NCAM2: variants seen among roughly 807,000 people sequenced by gnomAD.
NCAM2 encodes N-CAM-2.
A neutral mutation model predicts 98.1 loss-of-function variants in NCAM2; 30 were observed. That is an observed-to-expected ratio of 0.31 (90% CI 0.23 to 0.41). The LOEUF (loss-of-function observed/expected upper bound fraction) is 0.41, where lower values mean the gene tolerates loss of function less well. Among genes scored for constraint, NCAM2 ranks in the 10% least tolerant of loss-of-function variants. NCAM2 has a pLI of 1.00. For missense variants in NCAM2, 867 were observed against 1,005.8 expected (o/e 0.86, Z 1.87); for synonymous variants, 368 against 342.4 (o/e 1.07, Z -0.83).
intron 1 of NCAM2, among the ~76,000 whole-genome samples, chr21:21,186,213 G>A (rs905715685): frequency 6.6e-6 from 1 of 152,100 alleles, no homozygotes; most frequent in Non-Finnish European, 1.5e-5. Context: ...AAGGTCACAA[G>A]GGTAATAGTT....
chr21:21,191,610 G>A (rs531048406), intron 1 of NCAM2, among the ~76,000 whole-genome samples: 8 of 152,188 alleles, frequency 5.3e-5, no homozygotes, highest in Non-Finnish European at 1.2e-4. Flanking sequence ...GGTAGGATTT[G>A]TGAAGCTCTG....
chr21:21,503,997 T>C (rs1268060614), intron 15 of NCAM2, among the ~76,000 whole-genome samples: 3 of 151,984 alleles, frequency 2.0e-5, no homozygotes, highest in Non-Finnish European at 4.4e-5. Flanking sequence ...TTCATTTAAA[T>C]AGTTGTTAAA....
At chr21:21,523,016 T>C (rs1989117806) in intron 16 of NCAM2, among the ~76,000 whole-genome samples, 1 of 152,024 alleles carries the variant, frequency 6.6e-6, no homozygotes, top group South Asian at 2.1e-4. Flanking sequence ...TTGTTTATGT[T>C]TTGTTGTTGT....
intron 12 of NCAM2, among the ~76,000 whole-genome samples, chr21:21,451,385 G>T (rs2826846): frequency 0.2 from 30,801 of 152,024 alleles, 3,271 homozygotes; most frequent in African/African-American, 0.26. Flanking sequence ...GCTTTTCTGG[G>T]AAGTAATGTT....
intron 8 of NCAM2, among the ~76,000 whole-genome samples, chr21:21,358,307 C>T (rs904506184): frequency 1.3e-5 from 2 of 152,050 alleles, no homozygotes; most frequent in Non-Finnish European, 2.9e-5. Context: ...GACTGAGCCT[C>T]ACTCCCTAAG....
intron 7 of NCAM2, among the ~76,000 whole-genome samples, 182 bp from the exon 8 acceptor site, chr21:21,338,206 AT>A (rs909166688): frequency 6.6e-6 from 1 of 151,956 alleles, no homozygotes; most frequent in Non-Finnish European, 1.5e-5. Flanking sequence ...TATTTCCTAA[AT>A]TTTTTTTCCT....
At chr21:21,093,723 C>T (rs2066060809) in intron 1 of NCAM2, among the ~76,000 whole-genome samples, 1 of 151,982 alleles carries the variant, frequency 6.6e-6, no homozygotes, top group African/African-American at 2.4e-5. Flanking sequence ...CTTAATGTAA[C>T]AGTAATTCCC....
chr21:21,054,579 C>T (rs540260984), intron 1 of NCAM2, among the ~76,000 whole-genome samples: 2 of 152,078 alleles, frequency 1.3e-5, no homozygotes, highest in Admixed American at 6.5e-5. Context: ...AACACACAGG[C>T]ATATGAAATC....
At chr21:21,510,144 T>TA (rs1405084784) in intron 16 of NCAM2, among the ~76,000 whole-genome samples, 1 of 152,178 alleles carries the variant, frequency 6.6e-6, no homozygotes, top group Non-Finnish European at 1.5e-5. Context: ...AACCCCTACA[T>TA]AATTCAACTT....
At chr21:21,110,777 G>A (rs1261904316) in intron 1 of NCAM2, among the ~76,000 whole-genome samples, 1 of 151,948 alleles carries the variant, frequency 6.6e-6, no homozygotes, top group African/African-American at 2.4e-5. Context: ...ATATGTGACT[G>A]AATTGGTTCT....
At chr21:21,341,234 G>T (rs1230314892) in intron 8 of NCAM2, among the ~76,000 whole-genome samples, 1 of 152,034 alleles carries the variant, frequency 6.6e-6, no homozygotes, top group South Asian at 2.1e-4. Context: ...ATGGAAAGTA[G>T]CATGGGATTG....
chr21:21,296,653 G>A (rs1450297270), intron 5 of NCAM2, among the ~76,000 whole-genome samples: 1 of 151,674 alleles, frequency 6.6e-6, no homozygotes, highest in African/African-American at 2.4e-5. Context: ...TTGACACAAG[G>A]ATATTGGCAG....
chr21:21,147,617 C>T (rs1368076031), intron 1 of NCAM2, among the ~76,000 whole-genome samples: 1 of 150,090 alleles, frequency 6.7e-6, no homozygotes, highest in Non-Finnish European at 1.5e-5. Flanking sequence ...TGTATATATA[C>T]ATACACTAAT....
intron 12 of NCAM2, among the ~76,000 whole-genome samples, chr21:21,437,474 CTGTG>C (rs3990174): frequency 9.7e-5 from 14 of 144,526 alleles, no homozygotes; most frequent in Middle Eastern, 3.5e-3. Context: ...CACCAAGATT[CTGTG>C]TGTGTGTGTG....
intron 6 of NCAM2, among the ~76,000 whole-genome samples, chr21:21,329,174 A>C (rs960352592): frequency 2.0e-5 from 3 of 151,982 alleles, no homozygotes; most frequent in Non-Finnish European, 2.9e-5. Context: ...GGCTGGTCTC[A>C]CACTCCATGT....
chr21:21,118,922 T>C (rs2066617112), intron 1 of NCAM2, among the ~76,000 whole-genome samples: 2 of 152,178 alleles, frequency 1.3e-5, no homozygotes, highest in African/African-American at 2.4e-5. Context: ...ATGTTAAGGT[T>C]CTTAATTTTA....
intron 8 of NCAM2, among the ~76,000 whole-genome samples, chr21:21,344,616 G>T (rs536492515): frequency 6.8e-4 from 103 of 152,230 alleles, no homozygotes; most frequent in Middle Eastern, 3.4e-3. Context: ...CAGTACCATA[G>T]AACACCAGGT....
At chr21:21,234,530 G>C (rs1464898825) in intron 1 of NCAM2, among the ~76,000 whole-genome samples, 2 of 151,830 alleles carry the variant, frequency 1.3e-5, no homozygotes, top group African/African-American at 4.8e-5. Flanking sequence ...TTGAAGTATC[G>C]ATTTATTTCC....
intron 16 of NCAM2, among the ~76,000 whole-genome samples, chr21:21,527,791 C>T (rs1989408459): frequency 6.6e-6 from 1 of 152,146 alleles, no homozygotes; most frequent in Non-Finnish European, 1.5e-5. Flanking sequence ...AATTTAGCAG[C>T]TTCTCAAGAA....
Sources: gnomAD v4.1 joint callset for allele counts (sites outside exome capture counted in the v4.1 genomes callset) on GRCh38, gnomAD v4.1.1 for gene constraint, MANE v1.5 for transcripts, NCBI Gene and HGNC (gene_info 2026-07-23, HGNC 2026-07-21) for gene names.